The following VAV3 variants were observed in gnomAD, a reference collection of about 807,000 sequenced individuals.
VAV3 encodes vav guanine nucleotide exchange factor 3.
VAV3 carries 94 observed loss-of-function variants against 131.2 expected under a neutral mutation model. The ratio of observed to expected loss-of-function variants is 0.72; its 90% CI spans 0.61 to 0.85. The LOEUF is 0.85. VAV3 is among the 40% of genes least tolerant of loss of function. VAV3 has a pLI of 0.00. For missense variants in VAV3, 939 were observed against 1,002.7 expected, an observed-to-expected ratio of 0.94 and a Z score of 0.86; for synonymous variants, 349 against 342.0, an observed-to-expected ratio of 1.02 and a Z score of -0.22.
intron 15 of VAV3, among the ~76,000 whole-genome samples, chr1:107,717,089 C>T (rs1471644319): frequency 6.6e-6 from 1 of 152,110 alleles, no homozygotes; most frequent in Non-Finnish European, 1.5e-5. Context: ...GTGATATCCC[C>T]TTTATCATTT....
chr1:107,730,651 T>A (rs17019843), intron 15 of VAV3, among the ~76,000 whole-genome samples: 13,631 of 152,242 alleles, frequency 0.09, 847 homozygotes, highest in East Asian at 0.25. Flanking sequence ...TTGTTAATAA[T>A]ATACACAATG....
chr1:107,719,823 T>G (rs1019633012), intron 15 of VAV3, among the ~76,000 whole-genome samples: 3 of 152,134 alleles, frequency 2.0e-5, no homozygotes, highest in Non-Finnish European at 2.9e-5. Flanking sequence ...TGTCCAACAA[T>G]GATAGACTGG....
At chr1:107,753,271 A>G (rs1447518716) in intron 12 of VAV3, among the ~76,000 whole-genome samples, 1 of 151,854 alleles carries the variant, frequency 6.6e-6, no homozygotes, top group East Asian at 1.9e-4. Flanking sequence ...GCTTACAGAG[A>G]TAGAAAGTAG....
intron 17 of VAV3, among the ~76,000 whole-genome samples, chr1:107,699,390 T>C (rs1412249009): frequency 1.3e-5 from 2 of 152,266 alleles, no homozygotes; most frequent in South Asian, 2.1e-4. Flanking sequence ...CCCAGGGTCT[T>C]GGGCAGCTCT....
intron 2 of VAV3, among the ~76,000 whole-genome samples, chr1:107,857,935 T>A (rs765049192): frequency 1.9e-4 from 29 of 152,200 alleles, no homozygotes; most frequent in Non-Finnish European, 4.0e-4. Context: ...AATGTTATAT[T>A]ATTTATAAGA....
At chr1:107,623,887 T>C (rs958879850) in intron 20 of VAV3, among the ~76,000 whole-genome samples, 4 of 152,314 alleles carry the variant, frequency 2.6e-5, no homozygotes, top group African/African-American at 9.6e-5. Flanking sequence ...AGTTCTCTTG[T>C]AAAGTGGCTG....
intron 1 of VAV3, among the ~76,000 whole-genome samples, chr1:107,936,693 A>G (rs2101237618): frequency 6.6e-6 from 1 of 152,310 alleles, no homozygotes; most frequent in South Asian, 2.1e-4. Context: ...CTGAATTTCA[A>G]GTTGGAGAAG....
At chr1:107,788,822 A>T (rs571440763) in intron 2 of VAV3, among the ~76,000 whole-genome samples, 1 of 152,366 alleles carries the variant, frequency 6.6e-6, no homozygotes, top group East Asian at 1.9e-4. Flanking sequence ...AAATGTAATC[A>T]TATTTGCAAA....
chr1:107,689,296 A>G (rs1321448260), intron 17 of VAV3, among the ~76,000 whole-genome samples: 1 of 152,112 alleles, frequency 6.6e-6, no homozygotes, highest in Non-Finnish European at 1.5e-5. Flanking sequence ...AAGCATCTGA[A>G]AAGATGCCAC....
chr1:107,948,366 T>C (rs1353643737), intron 1 of VAV3, among the ~76,000 whole-genome samples: 1 of 152,198 alleles, frequency 6.6e-6, no homozygotes, highest in Non-Finnish European at 1.5e-5. Context: ...AAACTTCTCT[T>C]GAGGGTCATT....
intron 23 of VAV3, 56 bp from the exon 24 acceptor site, chr1:107,602,540 A>G (rs1222168469): frequency 7.3e-7 from 1 of 1,364,480 alleles, no homozygotes; most frequent in Non-Finnish European, 9.9e-7. Flanking sequence ...GTAGAAATCA[A>G]TAATTACCAG....
intron 1 of VAV3, among the ~76,000 whole-genome samples, chr1:107,908,232 C>G (rs1672194871): frequency 6.6e-6 from 1 of 152,150 alleles, no homozygotes. Context: ...ATTCTTCCCC[C>G]AGCAGTGGCT....
intron 1 of VAV3, among the ~76,000 whole-genome samples, chr1:107,877,520 G>A (rs557984294): frequency 6.6e-6 from 1 of 152,182 alleles, no homozygotes; most frequent in Non-Finnish European, 1.5e-5. Context: ...AAAACAATAT[G>A]AAATATTGCA....
At chr1:107,770,606 G>A (rs1003806630) in intron 6 of VAV3, 30 bp downstream of exon 6, 1 of 1,344,048 alleles carries the variant, frequency 7.4e-7, no homozygotes, top group South Asian at 1.2e-5. Context: ...GGCAGTATTT[G>A]GGCATCAAAA....
intron 2 of VAV3, among the ~76,000 whole-genome samples, chr1:107,807,297 T>C (rs1307233566): frequency 1.3e-5 from 2 of 152,212 alleles, no homozygotes; most frequent in African/African-American, 2.4e-5. Context: ...ACAGCAACTT[T>C]CTTTTCTTTG....
At chr1:107,928,847 T>C (rs1304002458) in intron 1 of VAV3, among the ~76,000 whole-genome samples, 1 of 152,114 alleles carries the variant, frequency 6.6e-6, no homozygotes, top group African/African-American at 2.4e-5. Flanking sequence ...TTCAAAGGGA[T>C]AATAAAACAG....
intron 2 of VAV3, among the ~76,000 whole-genome samples, chr1:107,842,975 A>C (rs529310881): frequency 1.3e-5 from 2 of 152,288 alleles, no homozygotes; most frequent in Admixed American, 1.3e-4. Context: ...TGAGAGCAGA[A>C]GCAGACCTAC....
chr1:107,883,967 A>T (rs1379260405), intron 1 of VAV3, among the ~76,000 whole-genome samples: 3 of 152,128 alleles, frequency 2.0e-5, no homozygotes, highest in Non-Finnish European at 4.4e-5. Context: ...AAAACTGAAT[A>T]CCTTGGAAGT....
chr1:107,798,274 C>T (rs969432394), intron 2 of VAV3, among the ~76,000 whole-genome samples: 1 of 152,088 alleles, frequency 6.6e-6, no homozygotes, highest in East Asian at 1.9e-4. Context: ...GGCCTTCCCC[C>T]ACTCTGTACA....
Sources: gnomAD v4.1 joint callset for allele counts (sites outside exome capture counted in the v4.1 genomes callset) on GRCh38, gnomAD v4.1.1 for gene constraint, MANE v1.5 for transcripts, NCBI Gene and HGNC (gene_info 2026-07-23, HGNC 2026-07-21) for gene names.